HS6ST3: variants seen among roughly 807,000 people sequenced by gnomAD.
HS6ST3 encodes the protein heparan-sulfate 6-O-sulfotransferase 3.
A neutral mutation model predicts 36.7 loss-of-function variants in HS6ST3; 12 were observed. That is an observed-to-expected ratio of 0.33 (90% CI 0.21 to 0.53). HS6ST3 has a LOEUF of 0.53. HS6ST3 is among the 20% of genes least tolerant of loss of function. The pLI is 0.95. For synonymous variants in HS6ST3, 240 were observed against 257.5 expected (o/e 0.93, Z 0.65); for missense variants, 584 against 640.9 (o/e 0.91, Z 0.96).
At chr13:96,698,709 C>T (rs1459840368) in intron 1 of HS6ST3, among the ~76,000 whole-genome samples, 1 of 152,090 alleles carries the variant, frequency 6.6e-6, no homozygotes, top group Admixed American at 6.5e-5. Flanking sequence ...TTGATGCCAT[C>T]CCCATCAAGC....
chr13:96,210,035 G>C (rs887760017), intron 1 of HS6ST3, among the ~76,000 whole-genome samples: 1 of 152,136 alleles, frequency 6.6e-6, no homozygotes, highest in African/African-American at 2.4e-5. Context: ...CAGAGTAGAT[G>C]CTCAGTGAAT....
chr13:96,312,511 T>C (rs2054946462), intron 1 of HS6ST3, among the ~76,000 whole-genome samples: 2 of 152,218 alleles, frequency 1.3e-5, no homozygotes, highest in Admixed American at 6.5e-5. Context: ...GTTTCTGTTA[T>C]TGTTCTCTGT....
At chr13:96,328,305 T>C (rs1218425247) in intron 1 of HS6ST3, among the ~76,000 whole-genome samples, 2 of 150,200 alleles carry the variant, frequency 1.3e-5, no homozygotes, top group East Asian at 3.9e-4. Flanking sequence ...CAGTATGATA[T>C]TGGCTGTGGG....
At chr13:96,351,945 A>G (rs567461117) in intron 1 of HS6ST3, among the ~76,000 whole-genome samples, 2 of 152,296 alleles carry the variant, frequency 1.3e-5, no homozygotes, top group African/African-American at 4.8e-5. Context: ...AGAGAATAAA[A>G]TGGAAGGAAA....
At chr13:96,392,115 AT>A (rs1384426077) in intron 1 of HS6ST3, among the ~76,000 whole-genome samples, 2 of 152,116 alleles carry the variant, frequency 1.3e-5, no homozygotes, top group Non-Finnish European at 2.9e-5. Flanking sequence ...CCTTTCTGAC[AT>A]TTTTATTAAC....
intron 1 of HS6ST3, among the ~76,000 whole-genome samples, chr13:96,729,993 C>T (rs961550852): frequency 6.6e-6 from 1 of 152,064 alleles, no homozygotes; most frequent in African/African-American, 2.4e-5. Context: ...GATTTTTATC[C>T]TTTATGTAGA....
intron 1 of HS6ST3, among the ~76,000 whole-genome samples, chr13:96,723,683 A>G (rs973011112): frequency 2.6e-5 from 4 of 152,170 alleles, no homozygotes; most frequent in African/African-American, 9.6e-5. Flanking sequence ...CAGCCCACCC[A>G]TGGATAACCT....
chr13:96,628,380 A>G (rs989177953), intron 1 of HS6ST3, among the ~76,000 whole-genome samples: 6 of 151,880 alleles, frequency 4.0e-5, no homozygotes, highest in African/African-American at 1.4e-4. Flanking sequence ...GGCCTACGTG[A>G]TACCAATCTT....
intron 1 of HS6ST3, among the ~76,000 whole-genome samples, chr13:96,345,219 A>T (rs953047584): frequency 2.0e-5 from 3 of 152,320 alleles, no homozygotes; most frequent in Admixed American, 2.0e-4. Flanking sequence ...CCTGTTTTTC[A>T]TAAGGCTATC....
intron 1 of HS6ST3, among the ~76,000 whole-genome samples, chr13:96,689,605 TC>T (rs1452624359): frequency 1.0e-5 from 1 of 99,558 alleles, no homozygotes; most frequent in Non-Finnish European, 2.0e-5. Context: ...TTTCTTTCTT[TC>T]TTTTTTTTTT....
At chr13:96,165,346 G>T (rs527621574) in intron 1 of HS6ST3, among the ~76,000 whole-genome samples, 1 of 152,048 alleles carries the variant, frequency 6.6e-6, no homozygotes, top group African/African-American at 2.4e-5. Flanking sequence ...TCTCTCTGGG[G>T]GCTTTTGTCC....
intron 1 of HS6ST3, among the ~76,000 whole-genome samples, chr13:96,112,621 ATG>A (rs2053876006): frequency 7.6e-6 from 1 of 131,212 alleles, no homozygotes; most frequent in South Asian, 2.5e-4. Context: ...ATATATATAT[ATG>A]CCCGGCTGGT....
At chr13:96,513,447 G>A (rs1434200413) in intron 1 of HS6ST3, among the ~76,000 whole-genome samples, 1 of 151,744 alleles carries the variant, frequency 6.6e-6, no homozygotes, top group Non-Finnish European at 1.5e-5. Context: ...AAATAACTTT[G>A]CTAATTTCCA....
chr13:96,387,430 T>C (rs950331226), intron 1 of HS6ST3, among the ~76,000 whole-genome samples: 1 of 152,234 alleles, frequency 6.6e-6, no homozygotes, highest in Admixed American at 6.5e-5. Flanking sequence ...AGCCATAATG[T>C]TATTCTGCAC....
intron 1 of HS6ST3, among the ~76,000 whole-genome samples, chr13:96,754,135 C>T (rs765794946): frequency 6.6e-6 from 1 of 152,018 alleles, no homozygotes; most frequent in Non-Finnish European, 1.5e-5. Flanking sequence ...TTTTTTTGAT[C>T]CAAGTTTTTG....
chr13:96,349,877 A>G (rs1488717808), intron 1 of HS6ST3, among the ~76,000 whole-genome samples: 1 of 152,238 alleles, frequency 6.6e-6, no homozygotes, highest in African/African-American at 2.4e-5. Flanking sequence ...AGTTCTTATC[A>G]GGAATAAAGG....
intron 1 of HS6ST3, among the ~76,000 whole-genome samples, chr13:96,561,204 A>G (rs1365245140): frequency 6.6e-6 from 1 of 152,214 alleles, no homozygotes; most frequent in Non-Finnish European, 1.5e-5. Flanking sequence ...CAAATGGAAC[A>G]GAATAGAGAA....
At chr13:96,273,382 C>T (rs1290532190) in intron 1 of HS6ST3, among the ~76,000 whole-genome samples, 1 of 151,978 alleles carries the variant, frequency 6.6e-6, no homozygotes, top group Non-Finnish European at 1.5e-5. Flanking sequence ...CTGACTGCTT[C>T]ATCAGCTTGG....
At chr13:96,098,397 A>C (rs1236170985) in intron 1 of HS6ST3, among the ~76,000 whole-genome samples, 1 of 152,200 alleles carries the variant, frequency 6.6e-6, no homozygotes, top group Non-Finnish European at 1.5e-5. Flanking sequence ...ATATTGGAGA[A>C]CAATAGAAAG....
Sources: allele counts gnomAD v4.1 joint callset (sites outside exome capture counted in the v4.1 genomes callset), GRCh38; gene constraint gnomAD v4.1.1; transcripts MANE v1.5; gene names NCBI Gene and HGNC (gene_info 2026-07-23, HGNC 2026-07-21).